The following DDX27 variants were observed in gnomAD, a reference collection of about 807,000 sequenced individuals.
DDX27 encodes probable ATP-dependent RNA helicase DDX27.
In DDX27, 42 loss-of-function variants were observed where a neutral mutation model predicts 99.3. That is an observed-to-expected ratio of 0.42 (90% CI 0.33 to 0.55). The LOEUF is 0.55. DDX27 is among the 20% of genes least tolerant of loss of function. DDX27 has a pLI of 0.07. For missense variants in DDX27, 798 were observed against 976.8 expected (o/e 0.82, Z 2.44); for synonymous variants, 329 against 353.8 (o/e 0.93, Z 0.79).
intron 16 of DDX27, among the ~76,000 whole-genome samples, chr20:49,241,174 G>A (rs374679189): frequency 6.6e-6 from 1 of 152,180 alleles, no homozygotes; most frequent in East Asian, 1.9e-4. Context: ...TGGGTCAGAG[G>A]ATATTTGTAT....
rs150357072 is a variant in DDX27, at chr20:49,242,120, A to G, written c.2030A>G (p.Gln677Arg). ...ERSQFEILKA[Q>R]MFAERLAKRN... is the part of the protein sequence containing the mutation. The stretch of plus-strand genomic sequence containing the variant: ...TCTCAGTTTGAAATCCTCAAGGCGC[A>G]GATGTTTGCTGAACGGCTAGCGAAG... Residue 677 changes from glutamine to arginine, a missense_variant, in exon 18 of 21, where the codon CAG becomes CGG. By Grantham distance (43) the Gln-to-Arg change is conservative (BLOSUM62 1). This residue lies in a region of DDX27 where 553 missense variants were observed against 727.9 expected (regional missense o/e 0.76). Coordinates refer to ENST00000618172, the MANE Select transcript of DDX27 (RefSeq NM_017895.8). The G allele has an allele frequency of 6.2e-7, 1 of 1,614,218 alleles. No homozygotes were observed. Among genetic ancestry groups the G allele is most frequent in the Non-Finnish European group, 8.5e-7 (1 of 1,180,034 alleles).
intron 8 of DDX27, among the ~76,000 whole-genome samples, chr20:49,229,811 A>G (rs1188385257): frequency 1.3e-5 from 2 of 151,960 alleles, no homozygotes; most frequent in African/African-American, 4.8e-5. Flanking sequence ...ATGCACAGCT[A>G]ATTTATGTAT....
chr20:49,232,193 C>T (rs1980136818), intron 9 of DDX27, among the ~76,000 whole-genome samples: 1 of 152,098 alleles, frequency 6.6e-6, no homozygotes. Flanking sequence ...GGCCCCAGCT[C>T]ATTTTTGTAT....
In DDX27 at chr20:49,236,307, C is replaced by A; in HGVS notation, c.1510-26C>A. The A allele has an allele frequency of 6.4e-7, 1 of 1,568,348 alleles. No individual in the cohort carries two copies. On this transcript the variant is annotated intron_variant, in intron 13 of 20. Transcript: ENST00000618172. This position sits in a 1 kb window ranked among gnomAD's most constrained non-coding sequence, Gnocchi z 4.1. ...TTCGCACCCCCCTTCCCTTGCCAGG[C>A]CTGACGTTCATTTTTGACCTTCTAG...
intron 8 of DDX27, 142 bp downstream of exon 8, chr20:49,229,030 C>CT (rs11477123): frequency 7.6e-3 from 2,175 of 286,762 alleles, no homozygotes; most frequent in South Asian, 0.016. Flanking sequence ...AACTGGAAGA[C>CT]TTTTTTTTTT....
intron 19 of DDX27, 82 bp from the exon 20 acceptor site, chr20:49,243,547 T>G (rs1980550226): frequency 8.2e-7 from 1 of 1,223,554 alleles, no homozygotes; most frequent in South Asian, 1.2e-5. Flanking sequence ...CTGCTTCATG[T>G]AGGAGCTGGG....
At chr20:49,223,477 A>G in intron 4 of DDX27, 44 bp downstream of exon 4, 5 of 1,557,316 alleles carry the variant, frequency 3.2e-6, no homozygotes, top group Non-Finnish European at 3.5e-6. Context: ...ACAGGAGATC[A>G]GAAGGCATCC....
chr20:49,229,029 A>AAT, intron 8 of DDX27, 141 bp downstream of exon 8: 3 of 535,154 alleles, frequency 5.6e-6, no homozygotes, highest in South Asian at 5.7e-5. Context: ...AAACTGGAAG[A>AAT]CTTTTTTTTT....
intron 6 of DDX27, among the ~76,000 whole-genome samples, chr20:49,226,127 T>G (rs1204068431): frequency 6.6e-6 from 1 of 152,224 alleles, no homozygotes; most frequent in Admixed American, 6.5e-5. Context: ...CTCCCCCTGC[T>G]GCCCGTCTGG....
At position 49,221,563 on chromosome 20, in the gene DDX27, G is replaced by T. The variant is rs748198808; in HGVS notation, c.205G>T (p.Ala69Ser). ...EKEGTYDGSW[A>S]LADVMSQLKK... Reference sequence around the variant, plus strand: ...GGAGGGGACGTACGATGGCAGCTGGGCCCTGGCTGATGTCATGAGCCAACT... The same window carrying T: ...GGAGGGGACGTACGATGGCAGCTGGTCCCTGGCTGATGTCATGAGCCAACT... Residue 69 changes from alanine to serine, a missense_variant, in exon 2 of 21, where the codon GCC becomes TCC. Ala to Ser is a moderately conservative substitution (Grantham distance 99). This residue lies in a region of DDX27 where 245 missense variants were observed against 248.8 expected (regional missense o/e 0.98). Transcript: ENST00000618172. The T allele has an allele frequency of 6.2e-7, 1 of 1,611,436 alleles. No homozygotes were observed. Among genetic ancestry groups the T allele is most frequent in the Non-Finnish European group, 8.5e-7 (1 of 1,178,656 alleles).
intron 16 of DDX27, among the ~76,000 whole-genome samples, chr20:49,239,548 G>A (rs1012879601): frequency 6.6e-6 from 1 of 152,112 alleles, no homozygotes; most frequent in Non-Finnish European, 1.5e-5. Flanking sequence ...CCTCGCATGC[G>A]CACTTCACAA....
At chr20:49,224,801 A>G (rs1474575834) in intron 4 of DDX27, 144 bp from the exon 5 acceptor site, 4 of 813,206 alleles carry the variant, frequency 4.9e-6, no homozygotes, top group Non-Finnish European at 7.9e-6. Context: ...TGCTGCCACA[A>G]AGTGTCCTCA....
At chr20:49,240,071 T>C (rs1049751773) in intron 16 of DDX27, among the ~76,000 whole-genome samples, 5 of 152,166 alleles carry the variant, frequency 3.3e-5, no homozygotes, top group African/African-American at 1.2e-4. Flanking sequence ...AGGGGGGTTA[T>C]AGGAAATTAT....
intron 7 of DDX27, among the ~76,000 whole-genome samples, chr20:49,227,250 C>T (rs1224526082): frequency 6.6e-6 from 1 of 152,180 alleles, no homozygotes; most frequent in East Asian, 1.9e-4. Context: ...CATAGGGTCT[C>T]TCGAATCCTT....
rs200224653 is a variant in DDX27, at chr20:49,239,251, C to T, written c.1810C>T (p.Arg604Trp). The T allele has an allele frequency of 1.6e-5, 26 of 1,613,950 alleles. No individual in the cohort carries two copies. Among genetic ancestry groups the T allele is most frequent in the African/African-American group, 6.7e-5 (5 of 74,988 alleles). ...QSEAQINTAK[R>W]LLEKGKEAVV... ...ATCTCTACAGATCAATACAGCAAAG[C>T]GGCTCCTGGAGAAGGGGAAGGAGGC... The change falls in exon 16 of 21, where the codon CGG (arginine) becomes TGG (tryptophan). Residue 604 changes from arginine (R) to tryptophan (W), a missense_variant. This residue lies in a region of DDX27 where 553 missense variants were observed against 727.9 expected (regional missense o/e 0.76). Transcript: ENST00000618172.
In DDX27 at chr20:49,219,520, C is replaced by A. The variant is rs777240489; in HGVS notation, c.72C>A (p.Asp24Glu). The A allele has an allele frequency of 8.1e-6, 13 of 1,613,720 alleles. No homozygotes were observed. The highest frequency in any genetic ancestry group is 1.1e-5 in the Non-Finnish European group (13 of 1,179,898). The change falls in exon 1 of 21, where the codon GAC becomes GAA. Residue 24 changes from aspartate to glutamate, a missense_variant. Physicochemically the swap from Asp to Glu is conservative, Grantham distance 45. Around this residue, in one of 2 missense-constraint regions of DDX27, gnomAD observed 245 missense variants for 248.8 expected, o/e 0.98. Coordinates refer to ENST00000618172, the MANE Select transcript of DDX27 (RefSeq NM_017895.8). ...AGGTGCCGGTGGAGCCCGAGTCTGA[C>A]TCCGGGGACGAGGAAGAGGAGGTAT... ...DDEVPVEPESDSGDEEEEGPI... is the reference protein window; with the variant it reads ...DDEVPVEPESESGDEEEEGPI...
chr20:49,221,018 G>GT (rs1166235889), intron 1 of DDX27, among the ~76,000 whole-genome samples: 1 of 152,120 alleles, frequency 6.6e-6, no homozygotes, highest in Non-Finnish European at 1.5e-5. Flanking sequence ...GTGGAGTGCA[G>GT]TGGCGCGATC....
intron 7 of DDX27, among the ~76,000 whole-genome samples, chr20:49,226,830 T>C (rs1308292901): frequency 2.8e-5 from 4 of 144,452 alleles, no homozygotes; most frequent in South Asian, 4.4e-4. Flanking sequence ...AAAAAAGATA[T>C]ACTGGTGCAA....
rs760631357 is a variant in DDX27 at position 49,243,858 on chromosome 20, T to C, written c.*24T>C. The C allele has an allele frequency of 5.6e-6, 9 of 1,613,824 alleles. No individual in the cohort carries two copies. In the South Asian group the frequency reaches 9.9e-5, roughly 18 times the overall value. On this transcript the variant is annotated 3_prime_UTR_variant, in exon 21 of 21. Transcript: ENST00000618172. ...AGCTGTCGTGGCCTGAAGAAATTCA[T>C]GGGGGCAGCCCTTAAATCCCTTCCC... is the stretch of plus-strand genomic sequence containing the variant.
Sources: gnomAD v4.1 joint callset for allele counts (sites outside exome capture counted in the v4.1 genomes callset) on GRCh38, gnomAD v4.1.1 for gene constraint, gnomAD v4.1.1 regional missense constraint, Gnocchi (gnomAD v3.1) non-coding constraint, MANE v1.5 for transcripts, NCBI Gene and HGNC (gene_info 2026-07-23, HGNC 2026-07-21) for gene names.